Variants in KPNA3 observed in about 807,000 individuals in gnomAD.
KPNA3 encodes karyopherin subunit alpha 3.
Under a neutral mutation model 73.8 loss-of-function variants are expected in KPNA3, and 13 were observed. The ratio of observed to expected loss-of-function variants is 0.18; its 90% CI spans 0.11 to 0.28. The LOEUF (loss-of-function observed/expected upper bound fraction) is 0.28, where lower values mean the gene tolerates loss of function less well. Ranked by LOEUF, KPNA3 falls within the 10% of genes least tolerant of loss-of-function variation. The probability of loss-of-function intolerance (pLI) is 1.00; values close to 1 mark genes in which losing one functional copy is unlikely to be tolerated. For missense variants in KPNA3, 360 were observed against 618.1 expected (o/e 0.58, Z 4.43); for synonymous variants, 186 against 206.9 (o/e 0.90, Z 0.87).
chr13:49,709,795 C>G (rs149492112), intron 11 of KPNA3, 95 bp from the exon 12 acceptor site: 2 of 1,081,578 alleles, frequency 1.8e-6, no homozygotes, highest in African/African-American at 3.2e-5. Flanking sequence ...AAATGCAAGG[C>G]ATAAATAACA....
intron 2 of KPNA3, among the ~76,000 whole-genome samples, chr13:49,737,926 G>T (rs1954539294): frequency 6.6e-6 from 1 of 152,034 alleles, no homozygotes; most frequent in Non-Finnish European, 1.5e-5. Flanking sequence ...AATTTAATCA[G>T]GTCCAATTTA....
chr13:49,770,294 G>T (rs1276228007), intron 1 of KPNA3, among the ~76,000 whole-genome samples: 1 of 146,294 alleles, frequency 6.8e-6, no homozygotes, highest in Non-Finnish European at 1.5e-5. Flanking sequence ...TCCCACCTCA[G>T]CCTCCCAAGC....
At chr13:49,751,108 G>A (rs1414500024) in intron 1 of KPNA3, among the ~76,000 whole-genome samples, 3 of 152,350 alleles carry the variant, frequency 2.0e-5, no homozygotes, top group African/African-American at 2.4e-5. Context: ...ATGTGCATAT[G>A]TGTGTTAAGG....
At chr13:49,708,346 A>T (rs1954227603) in intron 12 of KPNA3, among the ~76,000 whole-genome samples, 1 of 152,144 alleles carries the variant, frequency 6.6e-6, no homozygotes, top group Non-Finnish European at 1.5e-5. Context: ...ATCTACTAGG[A>T]TTGTCAGTAA....
intron 1 of KPNA3, among the ~76,000 whole-genome samples, chr13:49,747,946 T>C (rs1405925913): frequency 1.3e-5 from 2 of 152,106 alleles, no homozygotes; most frequent in Non-Finnish European, 2.9e-5. Context: ...CTAGCTTAAG[T>C]AGGTCACAAG....
At chr13:49,782,272 C>A (rs1954946952) in intron 1 of KPNA3, among the ~76,000 whole-genome samples, 1 of 152,116 alleles carries the variant, frequency 6.6e-6, no homozygotes, top group Non-Finnish European at 1.5e-5. Flanking sequence ...ACATGCCAAG[C>A]CTTTAGACTC....
At chr13:49,712,082 T>C (rs1407440) in intron 10 of KPNA3, among the ~76,000 whole-genome samples, 128,568 of 152,124 alleles carry the variant, frequency 0.85, 54,572 homozygotes, top group East Asian at 1. Context: ...GAGGCCTCCC[T>C]GCTGGAGGTG....
intron 7 of KPNA3, among the ~76,000 whole-genome samples, chr13:49,724,516 C>T (rs1050064681): frequency 1.3e-5 from 2 of 152,106 alleles, no homozygotes; most frequent in African/African-American, 4.8e-5. Flanking sequence ...ACCATGTTAG[C>T]AAGGATGGTC....
At chr13:49,772,969 G>T (rs1180013515) in intron 1 of KPNA3, among the ~76,000 whole-genome samples, 1 of 152,086 alleles carries the variant, frequency 6.6e-6, no homozygotes, top group East Asian at 1.9e-4. Flanking sequence ...CCAAAAACTA[G>T]TAACAACTCA....
chr13:49,778,810 ATT>A, intron 1 of KPNA3, among the ~76,000 whole-genome samples: 1 of 152,162 alleles, frequency 6.6e-6, no homozygotes, highest in South Asian at 2.1e-4. Context: ...GTCTCACTGT[ATT>A]GCCTAGGCTG....
chr13:49,708,880 G>T (rs936415502), intron 12 of KPNA3, among the ~76,000 whole-genome samples: 5 of 152,056 alleles, frequency 3.3e-5, no homozygotes, highest in African/African-American at 1.2e-4. Context: ...TTGAATTTAG[G>T]CACCTCGTCT....
chr13:49,760,144 C>T (rs546435973), intron 1 of KPNA3, among the ~76,000 whole-genome samples: 8 of 152,238 alleles, frequency 5.3e-5, no homozygotes, highest in Admixed American at 6.5e-5. Flanking sequence ...AAAATCCAGC[C>T]GGGCACGGTG....
chr13:49,790,654 T>C lies in KPNA3; in HGVS notation c.69+1784A>G, dbSNP rs73485742. Among the ~76,000 whole-genome samples, 547 of 152,374 alleles carry C rather than the reference T, an allele frequency of 3.6e-3. 1 individual carries two copies. Among genetic ancestry groups the C allele is most frequent in the African/African-American group, 0.013 (531 of 41,590 alleles). On this transcript the variant is annotated intron_variant, in intron 1 of 16. Transcript: ENST00000261667. ...TGTAATGTTGTGACCAATACCAGGC[T>C]GAATGGCTTAGCAACCATGCTCTTT...
chr13:49,738,285 T>TG (rs1317172593), intron 2 of KPNA3, among the ~76,000 whole-genome samples: 1 of 152,232 alleles, frequency 6.6e-6, no homozygotes, highest in Non-Finnish European at 1.5e-5. Context: ...AGCTTTCATA[T>TG]TGCGTGAAGT....
At chr13:49,736,831 C>T (rs1387791284) in intron 2 of KPNA3, among the ~76,000 whole-genome samples, 5 of 152,186 alleles carry the variant, frequency 3.3e-5, no homozygotes, top group African/African-American at 1.2e-4. Flanking sequence ...TCAACTCCTT[C>T]TCATCTGACA....
At chr13:49,736,532 T>C (rs1954522634) in intron 2 of KPNA3, among the ~76,000 whole-genome samples, 1 of 152,204 alleles carries the variant, frequency 6.6e-6, no homozygotes, top group African/African-American at 2.4e-5. Context: ...AATTGTATAT[T>C]CACATGCAGT....
Position 49,792,432 on chromosome 13 carries a change from AC to A in KPNA3, c.69+5del. ...AGGCGGGCCCAGACCGCGGAAGCAC[AC>A]TCACTTCCACATCGCGGCCCTTGTT... On this transcript the variant is annotated splice_donor_5th_base_variant and intron_variant, in intron 1 of 16. Transcript: ENST00000261667. 1 of 1,560,644 alleles carries A rather than the reference AC, an allele frequency of 6.4e-7. No individual in the cohort carries two copies. Among genetic ancestry groups the A allele is most frequent in the Non-Finnish European group, 8.7e-7 (1 of 1,155,376 alleles).
intron 2 of KPNA3, among the ~76,000 whole-genome samples, chr13:49,733,429 C>T (rs1329189384): frequency 6.6e-6 from 1 of 151,940 alleles, no homozygotes; most frequent in Non-Finnish European, 1.5e-5. Context: ...GCTGGGATTA[C>T]AGTCGTGCGC....
At chr13:49,785,706 G>A (rs1274490612) in intron 1 of KPNA3, among the ~76,000 whole-genome samples, 2 of 151,830 alleles carry the variant, frequency 1.3e-5, no homozygotes, top group African/African-American at 4.8e-5. Context: ...CTGAAAAAGA[G>A]TACTCCAAGA....
Sources: gnomAD v4.1 joint callset for allele counts (sites outside exome capture counted in the v4.1 genomes callset) on GRCh38, gnomAD v4.1.1 for gene constraint, MANE v1.5 for transcripts, NCBI Gene and HGNC (gene_info 2026-07-23, HGNC 2026-07-21) for gene names.